IFT52: variants seen among roughly 807,000 people sequenced by gnomAD.
IFT52 encodes the protein intraflagellar transport 52, also known as intraflagellar transport protein 52 homolog.
A neutral mutation model predicts 54.4 loss-of-function variants in IFT52; 44 were observed. The observed-to-expected ratio is 0.81, with a 90% CI of 0.63 to 1.04. The LOEUF is 1.04. Ranked by LOEUF, IFT52 falls within the 50% of genes least tolerant of loss-of-function variation. The pLI is 0.00. For missense variants in IFT52, 452 were observed against 523.6 expected, an observed-to-expected ratio of 0.86 and a Z score of 1.33; for synonymous variants, 181 against 185.3, an observed-to-expected ratio of 0.98 and a Z score of 0.19.
rs575634538 is a variant in IFT52 at position 43,599,803 on chromosome 20, G to A, written c.207+3281G>A. On this transcript the variant is annotated intron_variant, in intron 3 of 13. Transcript: ENST00000373030. Reference sequence around the variant, plus strand: ...TTATTTCCACCTCAACTACATTGACGCATTACACTAGCTTTGTGGTGGTAT... The same window carrying A: ...TTATTTCCACCTCAACTACATTGACACATTACACTAGCTTTGTGGTGGTAT... Among the ~76,000 whole-genome samples, 60 of 152,178 alleles carry A rather than the reference G, an allele frequency of 3.9e-4. 1 individual carries two copies. Among genetic ancestry groups the A allele is most frequent in the African/African-American group, 1.2e-3 (51 of 41,512 alleles).
In IFT52 at chr20:43,598,609, C is replaced by T. The variant is rs541826596; in HGVS notation, c.207+2087C>T. ...ACTTGGGAAGTGGAGGTGGGAGAAT[C>T]GCTTGAACCTGGGAGGCGGAGGTTG... On this transcript the variant is annotated intron_variant, in intron 3 of 13. Coordinates refer to ENST00000373030, the MANE Select transcript of IFT52 (RefSeq NM_016004.5). 1.3e-3 allele frequency among the ~76,000 whole-genome samples: 197 copies of T among 152,188 alleles called. 1 individual carries two copies. Among genetic ancestry groups the T allele is most frequent in the African/African-American group, 4.6e-3 (192 of 41,542 alleles).
chr20:43,604,023 C>A, intron 4 of IFT52, 134 bp downstream of exon 4: 1 of 916,766 alleles, frequency 1.1e-6, no homozygotes. Flanking sequence ...CCATTCTCAT[C>A]AGCAGTCTGA....
At chr20:43,628,515 C>T (rs1261461947) in intron 10 of IFT52, among the ~76,000 whole-genome samples, 2 of 152,168 alleles carry the variant, frequency 1.3e-5, no homozygotes, top group Non-Finnish European at 2.9e-5. Flanking sequence ...GTTCTCAGGG[C>T]TTCAGTCCTT....
chr20:43,630,243 T>G (rs1313033381), intron 10 of IFT52, among the ~76,000 whole-genome samples: 4 of 152,256 alleles, frequency 2.6e-5, no homozygotes, highest in Non-Finnish European at 5.9e-5. Context: ...GCTAGCCAGT[T>G]GCAGTCTGAC....
chr20:43,645,482 G>A lies in IFT52; in HGVS notation c.1267-1454G>A, dbSNP rs1220733618. 7.1e-5 allele frequency among the ~76,000 whole-genome samples: 4 copies of A among 56,702 alleles called. 2 individuals carry two copies. The highest frequency in any genetic ancestry group is 4.1e-4 in the Admixed American group (2 of 4,922). 37.2% of individuals were successfully genotyped at this position (56,702 alleles called of 152,430 possible). A position where few individuals can be genotyped will look rare whatever the true frequency, so the allele number is the denominator to read the frequency against. On this transcript the variant is annotated intron_variant, in intron 13 of 13. Coordinates refer to ENST00000373030, the MANE Select transcript of IFT52 (RefSeq NM_016004.5). The stretch of plus-strand genomic sequence containing the variant: ...TGAGGCAGGAGAATGGTGTGAACCC[G>A]GGAGGCAGAGCTTGCAGTGAGCTGA...
In IFT52 at chr20:43,612,522, G is replaced by A. The variant is rs187963281; in HGVS notation, c.486-1328G>A. On this transcript the variant is annotated intron_variant, in intron 6 of 13. Coordinates refer to ENST00000373030, the MANE Select transcript of IFT52 (RefSeq NM_016004.5). ...AGCCTGGGCAACATGGTGAAACCCC[G>A]TTTCTACAAAAAATATAAAAATTAG... is the stretch of plus-strand genomic sequence containing the variant. 3.2e-4 allele frequency among the ~76,000 whole-genome samples: 49 copies of A among 151,950 alleles called. 1 individual carries two copies. In the East Asian group the frequency reaches 8.5e-3, roughly 26 times the overall value.
At chr20:43,614,809 C>CTTTTTTTTTT (rs1037730877) in intron 7 of IFT52, among the ~76,000 whole-genome samples, 1 of 134,984 alleles carries the variant, frequency 7.4e-6, no homozygotes, top group African/African-American at 2.7e-5. Flanking sequence ...CTTTCTTTTT[C>CTTTTTTTTTT]TTTTTTTTTT....
chr20:43,595,316 C>CAAAAAA (rs34012263), intron 2 of IFT52, among the ~76,000 whole-genome samples: 23 of 62,924 alleles, frequency 3.7e-4, no homozygotes, highest in African/African-American at 1.4e-3. Flanking sequence ...GACTCCGTCT[C>CAAAAAA]AAAAAAAAAA....
chr20:43,629,400 G>A (rs1382449887), intron 10 of IFT52, among the ~76,000 whole-genome samples: 1 of 152,014 alleles, frequency 6.6e-6, no homozygotes, highest in Non-Finnish European at 1.5e-5. Flanking sequence ...AGCCTCCCCA[G>A]TAGCTGGGAC....
Position 43,637,265 on chromosome 20 carries a change from G to A in IFT52, c.1120+12G>A, listed in dbSNP as rs370561463. ...GATTACCAATAAGTGTAAGTTTGGC[G>A]AACTTTTTTTTTTTGAGACAGAGTT... On this transcript the variant is annotated intron_variant, in intron 12 of 13. Transcript: ENST00000373030. 1.0e-5 allele frequency: 15 copies of A among 1,468,256 alleles called. No individual in the cohort carries two copies. The highest frequency in any genetic ancestry group is 2.6e-5 in the South Asian group (2 of 77,512). 91.0% of individuals were successfully genotyped at this position (1,468,256 alleles called of 1,614,324 possible). A position where few individuals can be genotyped will look rare whatever the true frequency, so the allele number is the denominator to read the frequency against.
At chr20:43,635,782 A>G in intron 10 of IFT52, 144 bp from the exon 11 acceptor site, 1 of 658,280 alleles carries the variant, frequency 1.5e-6, no homozygotes, top group Non-Finnish European at 2.7e-6. Context: ...GTGTATACCC[A>G]GTAATGGGAT....
At chr20:43,606,215 C>T (rs961142782) in intron 6 of IFT52, among the ~76,000 whole-genome samples, 134 of 145,424 alleles carry the variant, frequency 9.2e-4, no homozygotes, top group South Asian at 2.6e-3. Context: ...ATGGAGACTT[C>T]GTCTAAAAAA....
At chr20:43,606,846 T>C (rs953790380) in intron 6 of IFT52, among the ~76,000 whole-genome samples, 7 of 152,132 alleles carry the variant, frequency 4.6e-5, no homozygotes, top group Non-Finnish European at 7.4e-5. Context: ...GCACCGCCCT[T>C]AATCCATTTA....
At chr20:43,604,854 C>A in intron 5 of IFT52, 148 bp from the exon 6 acceptor site, 1 of 657,190 alleles carries the variant, frequency 1.5e-6, no homozygotes, top group Non-Finnish European at 2.6e-6. Context: ...GGCTGGAATG[C>A]AGTGGTGGGA....
In IFT52 at chr20:43,635,394, G is replaced by A. The variant is rs371551483; in HGVS notation, c.924-532G>A. Among the ~76,000 whole-genome samples, 38 of 152,046 alleles carry A rather than the reference G, an allele frequency of 2.5e-4. No homozygotes were observed. The East Asian group carries it at 6.8e-3, about 27-fold the overall frequency. On this transcript the variant is annotated intron_variant, in intron 10 of 13. Transcript: ENST00000373030. ...TAACCTCCGCCTCTTTGGTTCAAGC[G>A]ATTTTCCTGCCTCAGCCTCAGCCTC...
intron 1 of IFT52, among the ~76,000 whole-genome samples, chr20:43,592,451 G>A (rs1981606118): frequency 6.6e-6 from 1 of 152,070 alleles, no homozygotes; most frequent in African/African-American, 2.4e-5. Context: ...TTGGGCGCCT[G>A]TAGTCCCAGC....
At chr20:43,601,278 C>T (rs1982419240) in intron 3 of IFT52, among the ~76,000 whole-genome samples, 1 of 152,068 alleles carries the variant, frequency 6.6e-6, no homozygotes, top group Non-Finnish European at 1.5e-5. Flanking sequence ...CATCCAGTCT[C>T]GATTACAGGA....
At chr20:43,598,126 T>C (rs1191394465) in intron 3 of IFT52, among the ~76,000 whole-genome samples, 1 of 152,164 alleles carries the variant, frequency 6.6e-6, no homozygotes, top group South Asian at 2.1e-4. Context: ...AAGGTAATTC[T>C]GATACATGCT....
chr20:43,621,262 A>G (rs926612533), intron 9 of IFT52, among the ~76,000 whole-genome samples: 1 of 152,224 alleles, frequency 6.6e-6, no homozygotes, highest in Non-Finnish European at 1.5e-5. Flanking sequence ...CTCATAAAGA[A>G]ACAAAGAGTA....
Sources: allele counts gnomAD v4.1 joint callset (sites outside exome capture counted in the v4.1 genomes callset), GRCh38; gene constraint gnomAD v4.1.1; transcripts MANE v1.5; gene names NCBI Gene and HGNC (gene_info 2026-07-23, HGNC 2026-07-21).